GCNT4: variants seen among roughly 807,000 people sequenced by gnomAD.
GCNT4 encodes beta-1,3-galactosyl-O-glycosyl-glycoprotein beta-1,6-N-acetylglucosaminyltransferase 4.
In GCNT4, 17 loss-of-function variants were observed where a neutral mutation model predicts 31.3. The ratio of observed to expected loss-of-function variants is 0.54; its 90% CI spans 0.37 to 0.81. GCNT4 has a LOEUF of 0.81. GCNT4 is among the 40% of genes least tolerant of loss of function. The probability of loss-of-function intolerance (pLI) is 0.00; values close to 1 mark genes in which losing one functional copy is unlikely to be tolerated. For synonymous variants in GCNT4, 158 were observed against 190.6 expected, an observed-to-expected ratio of 0.83 and a Z score of 1.41; for missense variants, 503 against 525.5, an observed-to-expected ratio of 0.96 and a Z score of 0.42.
At chr5:75,037,705 C>T (rs911377358) in intron 3 of GCNT4, among the ~76,000 whole-genome samples, 1 of 151,738 alleles carries the variant, frequency 6.6e-6, no homozygotes, top group Non-Finnish European at 1.5e-5. Flanking sequence ...GGTGAAACTC[C>T]GTCTCTACTG....
intron 2 of GCNT4, among the ~76,000 whole-genome samples, chr5:75,048,974 C>G (rs901083255): frequency 4.6e-5 from 7 of 152,150 alleles, no homozygotes; most frequent in African/African-American, 1.7e-4. Flanking sequence ...GTAACTGGTC[C>G]TGAGGCCACA....
intron 3 of GCNT4, chr5:75,030,649 T>C: frequency 6.0e-6 from 1 of 167,118 alleles, no homozygotes; most frequent in East Asian, 1.9e-4. Context: ...TTTTATTTTG[T>C]TAACACCCAT....
intron 2 of GCNT4, among the ~76,000 whole-genome samples, 190 bp downstream of exon 2, chr5:75,051,979 T>C (rs1046438270): frequency 3.9e-4 from 59 of 152,184 alleles, no homozygotes; most frequent in African/African-American, 1.3e-3. Flanking sequence ...CCTTAGAAAG[T>C]GCAACATAGG....
At chr5:75,023,709 A>G (rs1742908406), downstream of GCNT4, 1 of 152,188 alleles carries the variant, frequency 6.6e-6, no homozygotes, top group African/African-American at 2.4e-5. Context: ...GAGAACTATA[A>G]TGCTTTTGTC....
At chr5:75,045,322 C>T (rs1026627220) in intron 3 of GCNT4, among the ~76,000 whole-genome samples, 54 of 152,178 alleles carry the variant, frequency 3.5e-4, no homozygotes, top group Non-Finnish European at 5.4e-4. Context: ...AACCACCATT[C>T]TACTTTCTGT....
chr5:75,019,586 C>T, the GCNT4 span, among the ~76,000 whole-genome samples: 1 of 152,162 alleles, frequency 6.6e-6, no homozygotes, highest in South Asian at 2.1e-4. Flanking sequence ...TATCTGTTGG[C>T]CTCCCTGGGG....
intron 3 of GCNT4, 156 bp from the exon 4 acceptor site, chr5:75,030,194 GA>G: frequency 1.5e-6 from 1 of 674,196 alleles, no homozygotes; most frequent in South Asian, 2.1e-5. Flanking sequence ...CAGAAATAAG[GA>G]AATGGAATTA....
At chr5:75,031,756 A>G (rs550834964) in intron 3 of GCNT4, among the ~76,000 whole-genome samples, 16 of 152,258 alleles carry the variant, frequency 1.1e-4, no homozygotes, top group African/African-American at 3.9e-4. Flanking sequence ...CAGGCTGACT[A>G]GGAGGAGGGT....
At chr5:75,047,484 G>A (rs1017010822) in intron 3 of GCNT4, among the ~76,000 whole-genome samples, 3 of 152,150 alleles carry the variant, frequency 2.0e-5, no homozygotes, top group Admixed American at 2.0e-4. Flanking sequence ...GTTTAAGGCT[G>A]GAATTTCACT....
chr5:75,051,750 A>G (rs1176951160), intron 2 of GCNT4, among the ~76,000 whole-genome samples: 1 of 152,234 alleles, frequency 6.6e-6, no homozygotes, highest in African/African-American at 2.4e-5. Context: ...TCTGTGCAGG[A>G]GATGTGACAT....
chr5:75,027,361 A>AC lies in GCNT4; in HGVS notation c.*1314_*1315insG, dbSNP rs1368752370. 4 of 656 alleles carry AC rather than the reference A, an allele frequency of 6.1e-3. No homozygotes were observed. The highest frequency in any genetic ancestry group is 8.7e-3 in the Non-Finnish European group (3 of 344). 0.0% of individuals were successfully genotyped at this position (656 alleles called of 1,614,324 possible). On this transcript the variant is annotated 3_prime_UTR_variant, in exon 4 of 4. Transcript: ENST00000652361. ...CAATATATGTATATATAATATATAT[A>AC]TTTATATATTATATATGTAATGGAA...
chr5:75,043,184 T>C lies in GCNT4; in HGVS notation c.-2+4713A>G, dbSNP rs143564455. Among the ~76,000 whole-genome samples, 24 of 152,348 alleles carry C rather than the reference T, an allele frequency of 1.6e-4. No homozygotes were observed. The East Asian group carries it at 4.2e-3, about 27-fold the overall frequency. Reference sequence around the variant, plus strand: ...TTTACTAAGTGTCTAAGCCAACTTATATGTCAACTGTATACAAAGCAAAAG... The same window carrying C: ...TTTACTAAGTGTCTAAGCCAACTTACATGTCAACTGTATACAAAGCAAAAG... On this transcript the variant is annotated intron_variant, in intron 3 of 3. Coordinates refer to ENST00000652361, the MANE Select transcript of GCNT4 (RefSeq NM_001366737.1).
chr5:75,051,187 T>C (rs1200997726), intron 2 of GCNT4, among the ~76,000 whole-genome samples: 1 of 152,082 alleles, frequency 6.6e-6, no homozygotes, highest in Non-Finnish European at 1.5e-5. Flanking sequence ...CATGGCTGCT[T>C]AGTTTACACA....
downstream of GCNT4, among the ~76,000 whole-genome samples, chr5:75,024,561 A>T (rs1004367338): frequency 6.6e-6 from 1 of 152,168 alleles, no homozygotes; most frequent in Non-Finnish European, 1.5e-5. Flanking sequence ...TCAGCTCAGT[A>T]GAGCTGGGAG....
At chr5:75,032,872 G>GGTGTGT (rs60551634) in intron 3 of GCNT4, among the ~76,000 whole-genome samples, 1,531 of 130,630 alleles carry the variant, frequency 0.012, 20 homozygotes, top group Non-Finnish European at 0.017. Flanking sequence ...CCCAAATAGG[G>GGTGTGT]GTGTGTGTGT....
the GCNT4 span, among the ~76,000 whole-genome samples, chr5:75,019,799 C>G: frequency 6.6e-6 from 1 of 152,180 alleles, no homozygotes; most frequent in Non-Finnish European, 1.5e-5. Flanking sequence ...GTCCACCATT[C>G]CATATTAGTT....
chr5:75,022,745 C>T (rs373274149), downstream of GCNT4, among the ~76,000 whole-genome samples: 17 of 152,150 alleles, frequency 1.1e-4, no homozygotes, highest in African/African-American at 3.4e-4. Flanking sequence ...AAGCACATAC[C>T]AAGTTTTTCC....
intron 2 of GCNT4, among the ~76,000 whole-genome samples, chr5:75,049,789 T>A (rs955473232): frequency 1.1e-4 from 16 of 152,210 alleles, no homozygotes; most frequent in African/African-American, 3.9e-4. Flanking sequence ...CCTTGCCTTG[T>A]GAGTCAGGCA....
At chr5:75,054,043 A>C (rs1218273013), upstream of GCNT4, among the ~76,000 whole-genome samples, 2 of 148,134 alleles carry the variant, frequency 1.4e-5, no homozygotes, top group Admixed American at 1.3e-4. Flanking sequence ...GCTCGCTCTC[A>C]TGGGTGAGAC....
Sources: gnomAD v4.1 joint callset for allele counts (sites outside exome capture counted in the v4.1 genomes callset) on GRCh38, gnomAD v4.1.1 for gene constraint, MANE v1.5 for transcripts, NCBI Gene and HGNC (gene_info 2026-07-23, HGNC 2026-07-21) for gene names.